Variants in CDON observed in about 807,000 individuals in gnomAD.
CDON encodes cell adhesion molecule-related/down-regulated by oncogenes.
CDON carries 73 observed loss-of-function variants against 120.9 expected under a neutral mutation model. The ratio of observed to expected loss-of-function variants is 0.60; its 90% confidence interval spans 0.50 to 0.73. The LOEUF (loss-of-function observed/expected upper bound fraction) is 0.73. CDON is among the 30% of genes least tolerant of loss of function. CDON has a pLI of 0.00. For missense variants in CDON, 1,470 were observed against 1,587.3 expected, an observed-to-expected ratio of 0.93 and a Z score of 1.26; for synonymous variants, 566 against 573.5, an observed-to-expected ratio of 0.99 and a Z score of 0.19.
At chr11:126,015,873 A>C (rs191927054) in intron 6 of CDON, among the ~76,000 whole-genome samples, 406 of 152,352 alleles carry the variant, frequency 2.7e-3, no homozygotes, top group Non-Finnish European at 4.8e-3. Context: ...ATTTCACACT[A>C]AACAGAAGCC....
At chr11:126,006,756 C>T (rs1947141656) in intron 8 of CDON, among the ~76,000 whole-genome samples, 1 of 151,468 alleles carries the variant, frequency 6.6e-6, no homozygotes, top group Non-Finnish European at 1.5e-5. Flanking sequence ...TAACAGCATA[C>T]AGAATATACA....
intron 1 of CDON, among the ~76,000 whole-genome samples, chr11:126,040,086 CAAAT>C (rs1263741836): frequency 2.0e-5 from 3 of 152,048 alleles, no homozygotes; most frequent in African/African-American, 4.8e-5. Context: ...TCACTATACT[CAAAT>C]AAATAAATAA....
In CDON at chr11:126,017,189, G is replaced by C; in HGVS notation, c.827C>G (p.Ala276Gly). 6.2e-7 allele frequency: 1 copy of C among 1,614,178 alleles called. No individual in the cohort carries two copies. Among genetic ancestry groups the C allele is most frequent in the Non-Finnish European group, 8.5e-7 (1 of 1,180,018 alleles). Residue 276 changes from alanine (A) to glycine (G), a missense_variant, in exon 6 of 20, where the codon GCC becomes GGC. Ala to Gly is a moderately conservative substitution (Grantham distance 60). Transcript: ENST00000531738. ...SNWRRLYSHL[A>G]TDSVDPADSG... ...GTCCGCCGGGTCAACGCTATCAGTG[G>C]CAAGATGAGAATACAACCTTCTCCA...
At chr11:126,024,611 C>A (rs1424197834) in intron 1 of CDON, among the ~76,000 whole-genome samples, 3 of 152,100 alleles carry the variant, frequency 2.0e-5, no homozygotes, top group African/African-American at 7.2e-5. Flanking sequence ...CTGTTTTGGC[C>A]AAGGTAAGTC....
rs960193564 is a variant in CDON at position 126,034,452 on chromosome 11, T to C, written c.-61-10915A>G. Among the ~76,000 whole-genome samples the C allele has an allele frequency of 3.9e-5, 6 of 152,088 alleles. No homozygotes were observed. Among genetic ancestry groups the C allele is most frequent in the African/African-American group, 1.4e-4 (6 of 41,422 alleles). ...AAGGCAACAGTGAGGGGCTGCCAGCTGCAACAGGAATCAATGTGGTCCTAA... is the reference window on the plus strand; with the variant it reads ...AAGGCAACAGTGAGGGGCTGCCAGCCGCAACAGGAATCAATGTGGTCCTAA... On this transcript the variant is annotated intron_variant, in intron 1 of 19. Transcript: ENST00000531738. The surrounding 1 kb of genome is among the most constrained non-coding windows in gnomAD (Gnocchi z 4.5).
chr11:126,047,761 G>A (rs905269410), intron 1 of CDON, among the ~76,000 whole-genome samples: 1 of 152,134 alleles, frequency 6.6e-6, no homozygotes, highest in Non-Finnish European at 1.5e-5. Flanking sequence ...CAGGCTCTCT[G>A]ACTCCAGGAC....
In CDON at chr11:125,956,890, G is replaced by A. The variant is rs3039; in HGVS notation, c.*4052C>T. ...CTACCCTCAAAGCTCTCAGGACTGG[G>A]GCTAGGGTTTAAGGAAGGCTTATTT... On this transcript the variant is annotated 3_prime_UTR_variant, in exon 20 of 20. Transcript: ENST00000531738. 296,198 of 977,810 alleles carry A rather than the reference G, an allele frequency of 0.3. 46,021 individuals carry two copies. Among genetic ancestry groups the A allele is most frequent in the Non-Finnish European group, 0.32 (259,771 of 823,182 alleles). 60.6% of individuals were successfully genotyped at this position (977,810 alleles called of 1,614,324 possible). A position where few individuals can be genotyped will look rare whatever the true frequency, so the allele number is the denominator to read the frequency against.
chr11:126,018,636 A>G (rs1337300811), intron 4 of CDON, among the ~76,000 whole-genome samples, 163 bp from the exon 5 acceptor site: 1 of 152,036 alleles, frequency 6.6e-6, no homozygotes, highest in African/African-American at 2.4e-5. Context: ...TGGCATAAGC[A>G]TGGCTCGCTA....
At chr11:126,005,501 G>C (rs1947093893) in intron 9 of CDON, 1 of 519,790 alleles carries the variant, frequency 1.9e-6, no homozygotes, top group African/African-American at 1.9e-5. Flanking sequence ...TATGTTGAAG[G>C]GCTAAAACAT....
intron 3 of CDON, 93 bp downstream of exon 3, chr11:126,021,155 C>G: frequency 7.3e-7 from 1 of 1,365,714 alleles, no homozygotes; most frequent in Non-Finnish European, 1.0e-6. Flanking sequence ...ATGCTTTACA[C>G]CAAAGCCCAT....
Position 126,001,733 on chromosome 11 carries a change from G to C in CDON, c.2144C>G (p.Ser715Cys), listed in dbSNP as rs775613302. The change falls in exon 11 of 20, where the codon TCT (serine) becomes TGT (cysteine). Residue 715 changes from serine (S) to cysteine (C), a missense_variant. By Grantham distance (112) the Ser-to-Cys change is moderately radical (BLOSUM62 -1). Coordinates refer to ENST00000531738, the MANE Select transcript of CDON (RefSeq NM_001378964.1). ...CTTCTTTTTACCTCCACTGTGCCTA[G>C]AGGAATCTGTAAGTACCACTCCAAA... Reference protein sequence around the residue: ...NNFGVVLTDSSRHSGVPEAPD... With the variant: ...NNFGVVLTDSCRHSGVPEAPD... 4 of 1,613,480 alleles carry C rather than the reference G, an allele frequency of 2.5e-6. No individual in the cohort carries two copies. The highest frequency in any genetic ancestry group is 8.5e-7 in the Non-Finnish European group (1 of 1,179,504).
intron 18 of CDON, among the ~76,000 whole-genome samples, chr11:125,975,468 T>C (rs1031130090): frequency 3.3e-5 from 5 of 152,246 alleles, no homozygotes; most frequent in African/African-American, 1.2e-4. Flanking sequence ...TTAAATAAAC[T>C]ACTAAACCTT....
chr11:125,993,173 C>T (rs888279699), intron 14 of CDON, among the ~76,000 whole-genome samples: 2 of 152,158 alleles, frequency 1.3e-5, no homozygotes, highest in African/African-American at 4.8e-5. Context: ...TAGTCTTTTT[C>T]AACCTGAATA....
intron 3 of CDON, 37 bp from the exon 4 acceptor site, chr11:126,019,802 C>T (rs755469308): frequency 2.6e-6 from 4 of 1,568,302 alleles, no homozygotes; most frequent in Non-Finnish European, 2.6e-6. Context: ...TAAATACATG[C>T]AAATTTGAAT....
intron 18 of CDON, among the ~76,000 whole-genome samples, chr11:125,967,650 G>A (rs1439657304): frequency 1.3e-5 from 2 of 152,120 alleles, no homozygotes; most frequent in Non-Finnish European, 2.9e-5. Flanking sequence ...AAAGCTACTA[G>A]AAACCTGTAT....
At chr11:126,005,601 G>A in intron 9 of CDON, 158 bp downstream of exon 9, 1 of 705,226 alleles carries the variant, frequency 1.4e-6, no homozygotes, top group South Asian at 1.7e-5. Flanking sequence ...CCTAGGATTG[G>A]TAAATCCAGC....
chr11:126,033,161 C>G (rs902054320), intron 1 of CDON, among the ~76,000 whole-genome samples: 15 of 152,192 alleles, frequency 9.9e-5, no homozygotes, highest in African/African-American at 3.4e-4. Context: ...AGACTTCTGA[C>G]TCAGACAAGT....
In CDON at chr11:126,008,997, T is replaced by C. The variant is rs538345935; in HGVS notation, c.1552+1344A>G. Among the ~76,000 whole-genome samples the C allele has an allele frequency of 1.6e-4, 24 of 152,308 alleles. 1 individual carries two copies. The highest frequency in any genetic ancestry group is 5.8e-4 in the African/African-American group (24 of 41,572). ...TTCTAAGCACTTACTACGCATTAAC[T>C]CCTTGGATTCTCACATCAACCCTAT... On this transcript the variant is annotated intron_variant, in intron 8 of 19. Transcript: ENST00000531738.
chr11:126,028,209 C>T (rs1260661036), intron 1 of CDON, among the ~76,000 whole-genome samples: 1 of 151,908 alleles, frequency 6.6e-6, no homozygotes, highest in Non-Finnish European at 1.5e-5. Flanking sequence ...AAAGTAAACA[C>T]GACAATCTCG....
Sources: gnomAD v4.1 joint callset for allele counts (sites outside exome capture counted in the v4.1 genomes callset) on GRCh38, gnomAD v4.1.1 for gene constraint, Gnocchi (gnomAD v3.1) non-coding constraint, MANE v1.5 for transcripts, NCBI Gene and HGNC (gene_info 2026-07-23, HGNC 2026-07-21) for gene names.